The following TBC1D8 variants were observed in gnomAD, a reference collection of about 807,000 sequenced individuals.
TBC1D8 encodes BUB2-like protein 1.
Under a neutral mutation model 118.8 loss-of-function variants are expected in TBC1D8, and 65 were observed. The observed-to-expected ratio is 0.55, with a 90% CI of 0.45 to 0.67. TBC1D8 has a LOEUF of 0.67. Among genes scored for constraint, TBC1D8 ranks in the 30% least tolerant of loss-of-function variants. TBC1D8 has a pLI of 0.00. For missense variants in TBC1D8, 1,376 were observed against 1,471.2 expected (o/e 0.94, Z 1.06); for synonymous variants, 566 against 595.8 (o/e 0.95, Z 0.73).
chr2:101,151,114 G>A lies in TBC1D8; in HGVS notation c.127+13C>T. The A allele has an allele frequency of 9.6e-7, 1 of 1,046,120 alleles. No homozygotes were observed. The highest frequency in any genetic ancestry group is 1.2e-6 in the Non-Finnish European group (1 of 861,428). The allele number at this position is 1,046,120 out of a possible 1,614,324, so 64.8% of individuals were successfully genotyped here. On this transcript the variant is annotated intron_variant, in intron 1 of 19. Coordinates refer to ENST00000409318, the MANE Select transcript of TBC1D8 (RefSeq NM_001330348.2). ...GGGCCCGGCCGCCGCGCCCGCCCCG[G>A]CGAGCCCCTTACCGGTGAGGCGGCC...
At chr2:101,008,716 G>A (rs1038647469) in intron 19 of TBC1D8, among the ~76,000 whole-genome samples, 1 of 152,092 alleles carries the variant, frequency 6.6e-6, no homozygotes, top group Non-Finnish European at 1.5e-5. Flanking sequence ...GGAGGCTGAG[G>A]CAGGAGAATC....
intron 1 of TBC1D8, among the ~76,000 whole-genome samples, chr2:101,138,131 C>G (rs1213256954): frequency 6.6e-6 from 1 of 152,110 alleles, no homozygotes; most frequent in Non-Finnish European, 1.5e-5. Context: ...CTTGGGAGAT[C>G]TCTATCACGA....
intron 17 of TBC1D8, among the ~76,000 whole-genome samples, chr2:101,015,791 T>G (rs1679586683): frequency 6.6e-6 from 1 of 152,182 alleles, no homozygotes; most frequent in African/African-American, 2.4e-5. Context: ...TACATGATCT[T>G]TGACAAACCT....
intron 1 of TBC1D8, among the ~76,000 whole-genome samples, chr2:101,141,287 T>G (rs959274067): frequency 5.9e-5 from 9 of 152,218 alleles, no homozygotes; most frequent in Non-Finnish European, 1.3e-4. Flanking sequence ...ATACAACTTT[T>G]TATTTTCCCT....
intron 1 of TBC1D8, among the ~76,000 whole-genome samples, chr2:101,133,647 T>C (rs1423286365): frequency 6.6e-6 from 1 of 152,126 alleles, no homozygotes; most frequent in Non-Finnish European, 1.5e-5. Context: ...CTAAGAGCAC[T>C]AATCACAATC....
In TBC1D8 at chr2:101,008,122, G is replaced by A. The variant is rs376246458; in HGVS notation, c.3167C>T (p.Ser1056Phe). The change falls in exon 20 of 20, where the codon TCC (serine) becomes TTC (phenylalanine). Residue 1056 changes from serine to phenylalanine, a missense_variant. Ser to Phe is a radical substitution (Grantham distance 155). Transcript: ENST00000409318. ...CCGCAGCTCCTCCCCACACTCCTGGGAGCAGCTTCCAGAGCTGCTGCCTCG... is the reference window on the plus strand; with the variant it reads ...CCGCAGCTCCTCCCCACACTCCTGGAAGCAGCTTCCAGAGCTGCTGCCTCG... ...GQRGSSSGSC[S>F]QECGEELRAS... 2 of 1,613,860 alleles carry A rather than the reference G, an allele frequency of 1.2e-6. No individual in the cohort carries two copies. The highest frequency in any genetic ancestry group is 2.2e-5 in the East Asian group (1 of 44,862).
intron 1 of TBC1D8, among the ~76,000 whole-genome samples, chr2:101,099,066 A>T (rs1276918216): frequency 6.6e-6 from 1 of 151,210 alleles, no homozygotes; most frequent in African/African-American, 2.4e-5. Flanking sequence ...AAAAAAAAAA[A>T]TCTATGAATC....
intron 5 of TBC1D8, among the ~76,000 whole-genome samples, chr2:101,047,224 C>T (rs1681764738): frequency 6.6e-6 from 1 of 152,168 alleles, no homozygotes. Context: ...TCCAACCAGC[C>T]CAATCAACCG....
intron 1 of TBC1D8, among the ~76,000 whole-genome samples, chr2:101,150,712 C>T (rs1425513942): frequency 6.6e-6 from 1 of 152,184 alleles, no homozygotes; most frequent in Admixed American, 6.5e-5. Context: ...CTGGAGCCTC[C>T]GGCGCCTCCA....
intron 7 of TBC1D8, 126 bp downstream of exon 7, chr2:101,038,335 C>T (rs1308009053): frequency 8.9e-7 from 1 of 1,119,202 alleles, no homozygotes; most frequent in Non-Finnish European, 1.3e-6. Flanking sequence ...TCAGAAATGA[C>T]AGCAGACCAC....
Position 101,050,653 on chromosome 2 carries a change from A to G in TBC1D8, c.632-12T>C. 3.1e-6 allele frequency: 5 copies of G among 1,611,632 alleles called. No homozygotes were observed. Among genetic ancestry groups the G allele is most frequent in the Non-Finnish European group, 4.2e-6 (5 of 1,179,188 alleles). On this transcript the variant is annotated splice_polypyrimidine_tract_variant and intron_variant, in intron 4 of 19. Coordinates refer to ENST00000409318, the MANE Select transcript of TBC1D8 (RefSeq NM_001330348.2). ...AACCACAAGTTTAACTGTAAGAGAA[A>G]AGGGTGAAATACCTATTATGCCATG...
chr2:101,150,636 G>C (rs778526597), intron 1 of TBC1D8, among the ~76,000 whole-genome samples: 1 of 152,174 alleles, frequency 6.6e-6, no homozygotes, highest in Non-Finnish European at 1.5e-5. Flanking sequence ...GACAGTTCCC[G>C]CTCACCGCGG....
At chr2:101,058,068 A>T (rs1185772016) in intron 3 of TBC1D8, among the ~76,000 whole-genome samples, 1 of 152,202 alleles carries the variant, frequency 6.6e-6, no homozygotes, top group East Asian at 1.9e-4. Context: ...AGTGTGAAAA[A>T]TAGTGCTGAA....
At chr2:101,033,469 C>T in intron 10 of TBC1D8, 75 bp downstream of exon 10, 1 of 1,566,444 alleles carries the variant, frequency 6.4e-7, no homozygotes, top group Admixed American at 1.7e-5. Context: ...ACTGGGAATG[C>T]AAATGAAACC....
chr2:101,109,805 A>AT, intron 1 of TBC1D8: 1 of 985,428 alleles, frequency 1.0e-6, no homozygotes, highest in Non-Finnish European at 1.2e-6. Flanking sequence ...GCAAACACTT[A>AT]TTTTTAAAAA....
chr2:101,139,026 G>A (rs1202335951), intron 1 of TBC1D8, among the ~76,000 whole-genome samples: 3 of 152,058 alleles, frequency 2.0e-5, no homozygotes, highest in Non-Finnish European at 2.9e-5. Context: ...AAGAAGCAGA[G>A]GCCAAACAAG....
At chr2:101,093,699 A>G (rs1676200184) in intron 1 of TBC1D8, among the ~76,000 whole-genome samples, 1 of 151,896 alleles carries the variant, frequency 6.6e-6, no homozygotes, top group Non-Finnish European at 1.5e-5. Flanking sequence ...TGGGCAACAG[A>G]GCAAGACTCC....
chr2:101,043,382 C>T (rs764647012), intron 5 of TBC1D8, among the ~76,000 whole-genome samples: 1 of 152,222 alleles, frequency 6.6e-6, no homozygotes. Flanking sequence ...GTCCTCAGAG[C>T]GTGCTGGCTA....
chr2:101,089,203 AT>A (rs77077608), intron 2 of TBC1D8, among the ~76,000 whole-genome samples: 224 of 151,748 alleles, frequency 1.5e-3, no homozygotes, highest in Non-Finnish European at 2.4e-3. Flanking sequence ...ATAAAATTTA[AT>A]TTTTTTTTAT....
Sources: gnomAD v4.1 joint callset for allele counts (sites outside exome capture counted in the v4.1 genomes callset) on GRCh38, gnomAD v4.1.1 for gene constraint, MANE v1.5 for transcripts, NCBI Gene and HGNC (gene_info 2026-07-23, HGNC 2026-07-21) for gene names.